PHLDB1: variants seen among roughly 807,000 people sequenced by gnomAD.
The protein encoded by PHLDB1 is pleckstrin homology-like domain family B member 1.
Under a neutral mutation model 139.3 loss-of-function variants are expected in PHLDB1, and 65 were observed. The ratio of observed to expected loss-of-function variants is 0.47; its 90% CI spans 0.38 to 0.57. The LOEUF is 0.57. Among genes scored for constraint, PHLDB1 ranks in the 20% least tolerant of loss-of-function variants. The pLI, the probability that PHLDB1 is intolerant of heterozygous loss-of-function variation, is 0.00. For synonymous variants in PHLDB1, 679 were observed against 734.5 expected (o/e 0.92, Z 1.22); for missense variants, 1,624 against 1,839.7 (o/e 0.88, Z 2.14).
intron 12 of PHLDB1, chr11:118,641,612 A>C (rs1946526208): frequency 2.4e-6 from 3 of 1,276,116 alleles, no homozygotes; most frequent in Non-Finnish European, 3.1e-6. Flanking sequence ...CCTTGCTCCA[A>C]GTACGTGATG....
chr11:118,617,858 C>T (rs991943838), intron 4 of PHLDB1, among the ~76,000 whole-genome samples: 1 of 152,190 alleles, frequency 6.6e-6, no homozygotes, highest in Non-Finnish European at 1.5e-5. Context: ...GAGAGAGCAT[C>T]TTCTCTAAGA....
At chr11:118,621,791 A>G (rs1591516614) in intron 4 of PHLDB1, among the ~76,000 whole-genome samples, 1 of 152,190 alleles carries the variant, frequency 6.6e-6, no homozygotes, top group East Asian at 1.9e-4. Context: ...TCCCCTCCTT[A>G]GGACCCACCT....
chr11:118,612,051 T>C (rs1254751753), intron 1 of PHLDB1, among the ~76,000 whole-genome samples: 2 of 149,164 alleles, frequency 1.3e-5, no homozygotes, highest in East Asian at 2.0e-4. Context: ...TTGAAAACAT[T>C]CCCCCCACCC....
rs1939816829 is a variant in PHLDB1, at chr11:118,609,804, A to AG, written c.-22+2109dup. Among the ~76,000 whole-genome samples, 3 of 152,176 alleles carry AG rather than the reference A, an allele frequency of 2.0e-5. No individual in the cohort carries two copies. The South Asian group carries it at 6.2e-4, about 31-fold the overall frequency. ...GGGCAGCCTGGGCAGGAGCAGGCCGAGGGGTGCAAGGGGCCGCTACCTTGC... is the reference window on the plus strand; with the variant it reads ...GGGCAGCCTGGGCAGGAGCAGGCCGAGGGGGTGCAAGGGGCCGCTACCTTGC... On this transcript the variant is annotated intron_variant, in intron 1 of 22. Coordinates refer to ENST00000600882, the MANE Select transcript of PHLDB1 (RefSeq NM_001144758.3).
Position 118,656,834 on chromosome 11 carries a change from C to T in PHLDB1, c.*11C>T. 6.2e-7 allele frequency: 1 copy of T among 1,604,462 alleles called. No individual in the cohort carries two copies. Among genetic ancestry groups the T allele is most frequent in the Non-Finnish European group, 8.5e-7 (1 of 1,172,316 alleles). ...CAGTTCATGAACTAACTGCCGTGGG[C>T]CTCCTGGCAGAGCACAACTGGGGCT... On this transcript the variant is annotated 3_prime_UTR_variant, in exon 23 of 23. Coordinates refer to ENST00000600882, the MANE Select transcript of PHLDB1 (RefSeq NM_001144758.3).
chr11:118,639,547 C>T (rs1396933913), intron 12 of PHLDB1: 5 of 496,894 alleles, frequency 1.0e-5, no homozygotes, highest in South Asian at 7.4e-5. Context: ...AGCTCAGAGG[C>T]TTGGTAGGGG....
chr11:118,630,971 C>A (rs1555109344), intron 6 of PHLDB1, among the ~76,000 whole-genome samples: 1 of 148,290 alleles, frequency 6.7e-6, no homozygotes, highest in Non-Finnish European at 1.5e-5. Flanking sequence ...AAGAACCAGG[C>A]TGTTATGCCA....
intron 3 of PHLDB1, 40 bp from the exon 4 acceptor site, chr11:118,616,001 C>T (rs1316802247): frequency 6.4e-7 from 1 of 1,567,360 alleles, no homozygotes; most frequent in African/African-American, 1.3e-5. Context: ...CCTCCTCAGC[C>T]TGGACAACCC....
chr11:118,635,652 T>G, intron 10 of PHLDB1, 104 bp downstream of exon 10: 1 of 1,036,770 alleles, frequency 9.6e-7, no homozygotes, highest in African/African-American at 1.6e-5. Flanking sequence ...GTGCCTGGAT[T>G]TCCTTGTCTG....
chr11:118,624,727 G>A (rs1943542046), intron 4 of PHLDB1: 1 of 494,674 alleles, frequency 2.0e-6, no homozygotes, highest in South Asian at 2.0e-5. Flanking sequence ...TCAGTCTCCT[G>A]AGTAGCTGGG....
chr11:118,647,930 G>A lies in PHLDB1; in HGVS notation c.3508G>A (p.Glu1170Lys), dbSNP rs782033564. The A allele has an allele frequency of 1.3e-6, 2 of 1,565,390 alleles. No individual in the cohort carries two copies. Among genetic ancestry groups the A allele is most frequent in the South Asian group, 2.3e-5 (2 of 85,306 alleles). ...AEKNRLMESR[E>K]REMELRRQAL... Reference sequence around the variant, plus strand: ...GCTGACCCCTTGGCTTTGGGGGCAGGAGCGGGAGATGGAGCTGCGGCGGCA... The same window carrying A: ...GCTGACCCCTTGGCTTTGGGGGCAGAAGCGGGAGATGGAGCTGCGGCGGCA... Residue 1170 changes from glutamate to lysine, a missense_variant and splice_region_variant, in exon 18 of 23, where the codon GAG becomes AAG. Coordinates refer to ENST00000600882, the MANE Select transcript of PHLDB1 (RefSeq NM_001144758.3).
chr11:118,631,612 G>A, intron 7 of PHLDB1, 133 bp downstream of exon 7: 1 of 800,394 alleles, frequency 1.2e-6, no homozygotes, highest in African/African-American at 1.7e-5. Flanking sequence ...GAGCAGAGGT[G>A]CAGAAATGAG....
intron 22 of PHLDB1, among the ~76,000 whole-genome samples, 200 bp downstream of exon 22, chr11:118,656,092 G>A (rs1258253573): frequency 1.3e-5 from 2 of 151,684 alleles, no homozygotes; most frequent in African/African-American, 2.4e-5. Context: ...GGAAATGACA[G>A]CAGACCCCAT....
chr11:118,655,412 C>G, intron 20 of PHLDB1, 193 bp from the exon 21 acceptor site: 4 of 511,784 alleles, frequency 7.8e-6, no homozygotes, highest in South Asian at 2.4e-5. Flanking sequence ...TTGTATTTCT[C>G]TGTGATTATG....
rs1422360588 is a variant in PHLDB1, at chr11:118,656,856, G to A, written c.*33G>A. On this transcript the variant is annotated 3_prime_UTR_variant, in exon 23 of 23. Coordinates refer to ENST00000600882, the MANE Select transcript of PHLDB1 (RefSeq NM_001144758.3). ...GGGCCTCCTGGCAGAGCACAACTGG[G>A]GCTTTTGTATAAGAAGACTTTAATA... 6.3e-7 allele frequency: 1 copy of A among 1,583,352 alleles called. No homozygotes were observed. Among genetic ancestry groups the A allele is most frequent in the Non-Finnish European group, 8.6e-7 (1 of 1,157,404 alleles).
In PHLDB1 at chr11:118,630,109, C is replaced by T. The variant is rs1027693856; in HGVS notation, c.1828-1098C>T. ...TAAGTGTATGAGAACACCTCTCCAG[C>T]CTTCTCTCCACTTCCTGCGGTTTGG... On this transcript the variant is annotated intron_variant, in intron 6 of 22. Transcript: ENST00000600882. The T allele has an allele frequency of 2.7e-5, 33 of 1,235,442 alleles. 1 individual carries two copies. Among genetic ancestry groups the T allele is most frequent in the Non-Finnish European group, 3.5e-5 (33 of 939,962 alleles). 76.5% of individuals were successfully genotyped at this position (1,235,442 alleles called of 1,614,324 possible).
At position 118,628,484 on chromosome 11, in the gene PHLDB1, A is replaced by G. The variant is rs781855862; in HGVS notation, c.1661A>G (p.Gln554Arg). Residue 554 changes from glutamine to arginine, a missense_variant, in exon 6 of 23, where the codon CAG becomes CGG. Physicochemically the swap from Gln to Arg is conservative, Grantham distance 43. Coordinates refer to ENST00000600882, the MANE Select transcript of PHLDB1 (RefSeq NM_001144758.3). ...TCTCTTACTGGGGCTTCACCCTGCC[A>G]GAGTCCCTGTGTCCAGAGGAAGCTC... ...LGSLTGASPC[Q>R]SPCVQRKLSS... 1.2e-6 allele frequency: 2 copies of G among 1,613,182 alleles called. No homozygotes were observed. The highest frequency in any genetic ancestry group is 3.3e-5 in the Admixed American group (2 of 60,014).
chr11:118,618,768 C>A (rs1591491454), intron 4 of PHLDB1, among the ~76,000 whole-genome samples: 3 of 151,762 alleles, frequency 2.0e-5, no homozygotes, highest in Admixed American at 2.0e-4. Context: ...ACAAGGGCTA[C>A]TCTGGGAATA....
At chr11:118,614,932 C>T (rs1325411774) in intron 3 of PHLDB1, 6 of 425,094 alleles carry the variant, frequency 1.4e-5, no homozygotes, top group Non-Finnish European at 1.7e-5. Context: ...TGTGGTGGCT[C>T]ACGCCTGTTA....
Sources: gnomAD v4.1 joint callset for allele counts (sites outside exome capture counted in the v4.1 genomes callset) on GRCh38, gnomAD v4.1.1 for gene constraint, MANE v1.5 for transcripts, NCBI Gene and HGNC (gene_info 2026-07-23, HGNC 2026-07-21) for gene names.